Variants in TBC1D1 observed in about 807,000 individuals in gnomAD.
TBC1D1 encodes TBC1 domain family member 1, also known as TBC1 (tre-2/USP6, BUB2, cdc16) domain family, member 1.
TBC1D1 carries 89 observed loss-of-function variants against 125.6 expected under a neutral mutation model. That is an observed-to-expected ratio of 0.71 (90% confidence interval 0.60 to 0.85). The LOEUF is 0.85. Ranked by LOEUF, TBC1D1 falls within the 40% of genes least tolerant of loss-of-function variation. TBC1D1 has a pLI of 0.00. For missense variants in TBC1D1, 1,377 were observed against 1,469.2 expected (o/e 0.94, Z 1.03); for synonymous variants, 565 against 564.1 (o/e 1.00, Z -0.02).
At chr4:38,075,039 G>C (rs1011631271) in intron 12 of TBC1D1, among the ~76,000 whole-genome samples, 1 of 152,132 alleles carries the variant, frequency 6.6e-6, no homozygotes, top group Non-Finnish European at 1.5e-5. Flanking sequence ...GATTACAGGC[G>C]TGAGCCACCG....
At chr4:37,984,386 A>G (rs539328681) in intron 2 of TBC1D1, among the ~76,000 whole-genome samples, 7 of 152,346 alleles carry the variant, frequency 4.6e-5, no homozygotes, top group African/African-American at 1.2e-4. Flanking sequence ...ATCAACAATG[A>G]ATGAGAATTT....
chr4:38,103,038 T>C lies in TBC1D1; in HGVS notation c.2438T>C (p.Leu813Pro). The change falls in exon 15 of 20, where the codon CTA becomes CCA. Residue 813 changes from leucine to proline, a missense_variant. By Grantham distance (98) the Leu-to-Pro change is moderately conservative (BLOSUM62 -3). Coordinates refer to ENST00000261439, the MANE Select transcript of TBC1D1 (RefSeq NM_015173.4). ...CACCGAGGTGAAATCTGGAAATTTCTAGCTGAGCAATTCCACCTTAAACAC... is the reference window on the plus strand; with the variant it reads ...CACCGAGGTGAAATCTGGAAATTTCCAGCTGAGCAATTCCACCTTAAACAC... The C allele has an allele frequency of 6.2e-7, 1 of 1,614,212 alleles. No homozygotes were observed. Among genetic ancestry groups the C allele is most frequent in the Admixed American group, 1.7e-5 (1 of 60,018 alleles).
intron 2 of TBC1D1, among the ~76,000 whole-genome samples, chr4:37,939,518 T>G (rs1725096497): frequency 1.3e-5 from 2 of 152,276 alleles, no homozygotes; most frequent in African/African-American, 4.8e-5. Flanking sequence ...CAGAAGCTCT[T>G]TAGTTTCATT....
At chr4:37,967,251 T>C (rs1578082976) in intron 2 of TBC1D1, among the ~76,000 whole-genome samples, 1 of 152,056 alleles carries the variant, frequency 6.6e-6, no homozygotes. Context: ...TCCCTGCACT[T>C]TGGGAGGGCG....
rs1767025567 is a variant in TBC1D1, at chr4:38,138,934, G to T, written c.*1599G>T. 6.6e-6 allele frequency: 1 copy of T among 152,566 alleles called. No individual in the cohort carries two copies. Among genetic ancestry groups the T allele is most frequent in the African/African-American group, 2.4e-5 (1 of 41,416 alleles). 9.5% of individuals were successfully genotyped at this position (152,566 alleles called of 1,614,324 possible). ...TTCGAGACTTCCTCCTGTTCCCTGGGTCAGAGGATAGCGGTTTCCATCATA... is the reference window on the plus strand; with the variant it reads ...TTCGAGACTTCCTCCTGTTCCCTGGTTCAGAGGATAGCGGTTTCCATCATA... On this transcript the variant is annotated 3_prime_UTR_variant, in exon 20 of 20. Transcript: ENST00000261439.
At chr4:38,065,566 T>C (rs1260025881) in intron 12 of TBC1D1, among the ~76,000 whole-genome samples, 1 of 152,182 alleles carries the variant, frequency 6.6e-6, no homozygotes, top group East Asian at 1.9e-4. Context: ...ATAGCCATTG[T>C]AATTATCTTT....
intron 2 of TBC1D1, chr4:37,996,215 A>C (rs756116903): frequency 1.3e-5 from 4 of 300,312 alleles, no homozygotes; most frequent in Non-Finnish European, 2.7e-5. Flanking sequence ...GTGCAGCTTC[A>C]GTTGCTGGAT....
intron 18 of TBC1D1, chr4:38,132,603 C>T (rs1765771004): frequency 6.0e-6 from 1 of 166,216 alleles, no homozygotes; most frequent in Non-Finnish European, 1.5e-5. Flanking sequence ...AGTCCCATTA[C>T]TTAGCTGTTC....
At chr4:38,111,965 G>A in intron 15 of TBC1D1, 1 of 985,430 alleles carries the variant, frequency 1.0e-6, no homozygotes, top group Non-Finnish European at 1.2e-6. Flanking sequence ...GGGACAGGAA[G>A]TTGCATTTGG....
chr4:38,046,602 C>T (rs1414100903), intron 10 of TBC1D1, among the ~76,000 whole-genome samples: 2 of 152,044 alleles, frequency 1.3e-5, no homozygotes, highest in Non-Finnish European at 2.9e-5. Flanking sequence ...ACATTGTACC[C>T]AGTAGGTAAT....
At chr4:37,957,533 T>G (rs1729162944) in intron 2 of TBC1D1, among the ~76,000 whole-genome samples, 1 of 152,170 alleles carries the variant, frequency 6.6e-6, no homozygotes, top group South Asian at 2.1e-4. Context: ...GCAGGAGGAT[T>G]GCCTGAGCCT....
In TBC1D1 at chr4:38,074,729, G is replaced by T. The variant is rs1755273345; in HGVS notation, c.2051-15203G>T. Among the ~76,000 whole-genome samples, 4 of 151,532 alleles carry T rather than the reference G, an allele frequency of 2.6e-5. No homozygotes were observed. In the South Asian group the frequency reaches 6.3e-4, roughly 24 times the overall value. Reference sequence around the variant, plus strand: ...TGTGTGCTGGGATTTGCCATATTCAGTTATGGTCAGTAGAGACTTTCTTAG... The same window carrying T: ...TGTGTGCTGGGATTTGCCATATTCATTTATGGTCAGTAGAGACTTTCTTAG... On this transcript the variant is annotated intron_variant, in intron 12 of 19. Coordinates refer to ENST00000261439, the MANE Select transcript of TBC1D1 (RefSeq NM_015173.4).
intron 2 of TBC1D1, among the ~76,000 whole-genome samples, chr4:37,970,143 T>C (rs551746850): frequency 1.3e-5 from 2 of 152,354 alleles, no homozygotes; most frequent in Admixed American, 1.3e-4. Context: ...TGTTGATCCA[T>C]TCATCAGTTG....
chr4:38,122,186 G>T (rs752576522), intron 17 of TBC1D1, among the ~76,000 whole-genome samples: 5 of 152,174 alleles, frequency 3.3e-5, no homozygotes, highest in African/African-American at 1.2e-4. Context: ...GTCTCCAAAG[G>T]TGGCCTTTCT....
At chr4:37,980,596 A>G (rs1368493009) in intron 2 of TBC1D1, among the ~76,000 whole-genome samples, 1 of 152,250 alleles carries the variant, frequency 6.6e-6, no homozygotes, top group African/African-American at 2.4e-5. Flanking sequence ...AAGTTGGTAG[A>G]TTTTAAATAT....
chr4:38,124,466 G>A (rs964060028), intron 17 of TBC1D1, among the ~76,000 whole-genome samples: 20 of 152,188 alleles, frequency 1.3e-4, no homozygotes, highest in African/African-American at 2.4e-5. Context: ...CAGTAAACTT[G>A]TATTTAACAA....
intron 7 of TBC1D1, among the ~76,000 whole-genome samples, chr4:38,028,538 T>A (rs186700992): frequency 1.3e-5 from 2 of 152,354 alleles, no homozygotes; most frequent in East Asian, 3.9e-4. Flanking sequence ...GGGCCACATG[T>A]TGGACATGCT....
At chr4:38,135,108 T>C (rs1372259903) in intron 19 of TBC1D1, among the ~76,000 whole-genome samples, 1 of 152,242 alleles carries the variant, frequency 6.6e-6, no homozygotes, top group African/African-American at 2.4e-5. Flanking sequence ...GTGTACACTT[T>C]TCAGACACTG....
intron 2 of TBC1D1, among the ~76,000 whole-genome samples, chr4:37,992,071 G>T (rs907306628): frequency 6.6e-6 from 1 of 152,236 alleles, no homozygotes; most frequent in African/African-American, 2.4e-5. Flanking sequence ...GGGAGACCCT[G>T]AGGGTTAGCA....
Sources: allele counts gnomAD v4.1 joint callset (sites outside exome capture counted in the v4.1 genomes callset), GRCh38; gene constraint gnomAD v4.1.1; transcripts MANE v1.5; gene names NCBI Gene and HGNC (gene_info 2026-07-23, HGNC 2026-07-21).